RUFY3: variants seen among roughly 807,000 people sequenced by gnomAD.
The protein encoded by RUFY3 is protein RUFY3.
A neutral mutation model predicts 84.0 loss-of-function variants in RUFY3; 34 were observed. The ratio of observed to expected loss-of-function variants is 0.40; its 90% CI spans 0.31 to 0.54. RUFY3 has a LOEUF of 0.54. RUFY3 is among the 20% of genes least tolerant of loss of function. The pLI is 0.39. For synonymous variants in RUFY3, 242 were observed against 252.9 expected, an observed-to-expected ratio of 0.96 and a Z score of 0.41; for missense variants, 507 against 736.8, an observed-to-expected ratio of 0.69 and a Z score of 3.61.
At chr4:70,740,299 A>G (rs1261728786) in intron 1 of RUFY3, among the ~76,000 whole-genome samples, 1 of 152,198 alleles carries the variant, frequency 6.6e-6, no homozygotes, top group Non-Finnish European at 1.5e-5. Context: ...GATACTTAAA[A>G]CTTTAATCTC....
At chr4:70,781,668 C>G (rs1247684508) in intron 8 of RUFY3, among the ~76,000 whole-genome samples, 1 of 152,184 alleles carries the variant, frequency 6.6e-6, no homozygotes, top group African/African-American at 2.4e-5. Context: ...GTTTCGTGCA[C>G]ATTTTTAGGC....
At chr4:70,759,525 T>C (rs1046120167) in intron 1 of RUFY3, among the ~76,000 whole-genome samples, 1 of 152,142 alleles carries the variant, frequency 6.6e-6, no homozygotes, top group Non-Finnish European at 1.5e-5. Flanking sequence ...TTCCTTTCCT[T>C]TGGATAAATA....
Position 70,806,554 on chromosome 4 carries a change from C to A in RUFY3, c.1758C>A (p.Ala586=). 1 of 1,614,164 alleles carries A rather than the reference C, an allele frequency of 6.2e-7. No homozygotes were observed. The highest frequency in any genetic ancestry group is 8.5e-7 in the Non-Finnish European group (1 of 1,180,008). The change falls in exon 18 of 18, where the codon GCC becomes GCA. Residue 586 remains alanine, a synonymous_variant. Coordinates refer to ENST00000381006, the MANE Select transcript of RUFY3 (RefSeq NM_001037442.4). ...ACTGCAGCGGAACCTTCTGTGATGC[C>A]TGTTCAACAAATGAACTGCCTCTTC... The part of the protein sequence containing the change: ...CKNCSGTFCD[A]CSTNELPLPS...
chr4:70,722,983 G>C (rs1414393718), intron 1 of RUFY3, among the ~76,000 whole-genome samples: 1 of 152,134 alleles, frequency 6.6e-6, no homozygotes, highest in Non-Finnish European at 1.5e-5. Context: ...TACTCGTTTA[G>C]AGTTCTTTGT....
At chr4:70,776,580 C>T (rs958578822) in intron 7 of RUFY3, among the ~76,000 whole-genome samples, 7 of 152,124 alleles carry the variant, frequency 4.6e-5, no homozygotes, top group African/African-American at 1.7e-4. Flanking sequence ...GGAGATCATC[C>T]TGGCTAACAC....
chr4:70,734,855 A>G lies in RUFY3; in HGVS notation c.178+12104A>G, dbSNP rs550188552. ...ACTGTCATTAACCACAGTGCCTTAC[A>G]GTATTTTCTTCTATTGGTGAGCCTT... On this transcript the variant is annotated intron_variant, in intron 1 of 17. Coordinates refer to ENST00000381006, the MANE Select transcript of RUFY3 (RefSeq NM_001037442.4). Among the ~76,000 whole-genome samples the G allele has an allele frequency of 1.1e-4, 17 of 152,308 alleles. No individual in the cohort carries two copies. The South Asian group carries it at 1.2e-3, about 11-fold the overall frequency.
intron 10 of RUFY3, among the ~76,000 whole-genome samples, chr4:70,787,606 C>T (rs1034769181): frequency 6.6e-6 from 1 of 151,962 alleles, no homozygotes; most frequent in Non-Finnish European, 1.5e-5. Context: ...TTTTGACATC[C>T]TTAAAATAGT....
chr4:70,756,741 C>T (rs781258190), intron 1 of RUFY3, among the ~76,000 whole-genome samples: 5 of 152,164 alleles, frequency 3.3e-5, no homozygotes, highest in Admixed American at 6.5e-5. Flanking sequence ...AGATACCTTT[C>T]TCCTATGCAT....
At chr4:70,787,292 C>G (rs1220827529) in intron 10 of RUFY3, among the ~76,000 whole-genome samples, 1 of 129,202 alleles carries the variant, frequency 7.7e-6, no homozygotes, top group African/African-American at 3.0e-5. Flanking sequence ...GAGTCTTGCT[C>G]TGCCACCCAG....
chr4:70,720,907 G>A (rs1019925343), upstream of RUFY3, among the ~76,000 whole-genome samples: 2 of 150,176 alleles, frequency 1.3e-5, no homozygotes. Flanking sequence ...GTGTGTGTGT[G>A]TGTGTGTGTG....
chr4:70,720,249 A>G (rs1742113851), upstream of RUFY3, among the ~76,000 whole-genome samples: 2 of 152,162 alleles, frequency 1.3e-5, no homozygotes, highest in East Asian at 1.9e-4. Flanking sequence ...GAGTTTTGCC[A>G]TGTTGCCCAG....
chr4:70,798,825 T>G (rs1450820895), intron 14 of RUFY3, among the ~76,000 whole-genome samples: 4 of 150,392 alleles, frequency 2.7e-5, no homozygotes, highest in Non-Finnish European at 4.4e-5. Context: ...CAAACAAAAT[T>G]TGCCCAGGCA....
chr4:70,744,500 T>C (rs1164040538), intron 1 of RUFY3, among the ~76,000 whole-genome samples: 1 of 151,932 alleles, frequency 6.6e-6, no homozygotes, highest in South Asian at 2.1e-4. Flanking sequence ...CGAACCCGGC[T>C]ATAGTTTGCT....
chr4:70,789,727 C>T, intron 12 of RUFY3, 135 bp downstream of exon 12: 2 of 1,354,586 alleles, frequency 1.5e-6, no homozygotes, highest in Admixed American at 3.4e-5. Context: ...TAGAAAAAAG[C>T]CAGTTGAATG....
intron 12 of RUFY3, chr4:70,792,435 C>T: frequency 1.0e-6 from 1 of 984,370 alleles, no homozygotes; most frequent in Non-Finnish European, 1.2e-6. Context: ...ATTAGCAGGG[C>T]TTCTGTTTCT....
chr4:70,762,595 A>G lies in RUFY3; in HGVS notation c.255A>G (p.Glu85=), dbSNP rs1456192140. The part of the protein sequence containing the change: ...MAKLSIKGLI[E]SALNLGRTLD... ...AGCTGAGTATCAAGGGCTTGATTGA[A>G]TCAGCTCTGAACCTGGGGAGGACTC... Residue 85 remains glutamate (E), a synonymous_variant, in exon 2 of 18, where the codon GAA becomes GAG. Coordinates refer to ENST00000381006, the MANE Select transcript of RUFY3 (RefSeq NM_001037442.4). The G allele has an allele frequency of 3.7e-6, 6 of 1,613,950 alleles. No homozygotes were observed. The highest frequency in any genetic ancestry group is 5.1e-6 in the Non-Finnish European group (6 of 1,179,880).
At chr4:70,705,342 G>A (rs528414604) in intron 1 of RUFY3, 2 of 1,255,896 alleles carry the variant, frequency 1.6e-6, no homozygotes, top group Admixed American at 4.2e-5. Flanking sequence ...GGGAGCATTC[G>A]GCTGGGGAGG....
chr4:70,711,090 AAG>A (rs1491363646), intron 1 of RUFY3, among the ~76,000 whole-genome samples: 4 of 149,936 alleles, frequency 2.7e-5, no homozygotes, highest in Admixed American at 6.7e-5. Context: ...AAAAAAAAAA[AAG>A]AAGTATGTCA....
intron 2 of RUFY3, 61 bp downstream of exon 2, chr4:70,762,753 A>G (rs1410441178): frequency 8.8e-6 from 12 of 1,363,638 alleles, no homozygotes; most frequent in Non-Finnish European, 1.2e-5. Context: ...TGCATACTAT[A>G]GAAGAAAGCA....
Sources: gnomAD v4.1 joint callset for allele counts (sites outside exome capture counted in the v4.1 genomes callset) on GRCh38, gnomAD v4.1.1 for gene constraint, MANE v1.5 for transcripts, NCBI Gene and HGNC (gene_info 2026-07-23, HGNC 2026-07-21) for gene names.